NEO1: variants seen among roughly 807,000 people sequenced by gnomAD.
NEO1 encodes neogenin 1.
In NEO1, 63 loss-of-function variants were observed where a neutral mutation model predicts 159.7. That is an observed-to-expected ratio of 0.39 (90% CI 0.32 to 0.49). The LOEUF (loss-of-function observed/expected upper bound fraction) is 0.49. NEO1 is among the 20% of genes least tolerant of loss of function. NEO1 has a pLI of 0.85. For missense variants in NEO1, 1,615 were observed against 1,831.0 expected (o/e 0.88, Z 2.15); for synonymous variants, 633 against 662.0 (o/e 0.96, Z 0.67).
At chr15:73,236,749 A>G (rs995647195) in intron 8 of NEO1, among the ~76,000 whole-genome samples, 1 of 152,214 alleles carries the variant, frequency 6.6e-6, no homozygotes, top group African/African-American at 2.4e-5. Context: ...GACGTATTTA[A>G]ATGTAAGAAG....
At chr15:73,225,806 A>T (rs1253207613) in intron 7 of NEO1, among the ~76,000 whole-genome samples, 2 of 152,036 alleles carry the variant, frequency 1.3e-5, no homozygotes, top group African/African-American at 4.8e-5. Context: ...TCTGGCCAGG[A>T]GGGTTCTCCC....
At chr15:73,096,320 A>G (rs948494852) in intron 1 of NEO1, among the ~76,000 whole-genome samples, 3 of 152,224 alleles carry the variant, frequency 2.0e-5, no homozygotes, top group Non-Finnish European at 4.4e-5. Context: ...TGCAGACAAA[A>G]GCAGAACTTT....
intron 22 of NEO1, among the ~76,000 whole-genome samples, chr15:73,281,446 G>C (rs974689323): frequency 2.0e-5 from 3 of 151,994 alleles, no homozygotes; most frequent in South Asian, 2.1e-4. Context: ...TATTAGAGAC[G>C]AGGTTTCACC....
At chr15:73,070,395 A>T (rs1403440930) in intron 1 of NEO1, among the ~76,000 whole-genome samples, 1 of 152,116 alleles carries the variant, frequency 6.6e-6, no homozygotes, top group Non-Finnish European at 1.5e-5. Context: ...GAAACAAATG[A>T]AGTGTAATTT....
intron 7 of NEO1, chr15:73,221,641 C>T (rs1244825092): frequency 6.4e-6 from 1 of 156,160 alleles, no homozygotes; most frequent in Admixed American, 6.5e-5. Context: ...TGGCTGGCGC[C>T]CCTCCCCAAG....
chr15:73,181,359 A>G (rs776254617), intron 7 of NEO1, among the ~76,000 whole-genome samples: 2 of 152,204 alleles, frequency 1.3e-5, no homozygotes, highest in Non-Finnish European at 2.9e-5. Context: ...GAGATGATAA[A>G]TACTTACACT....
chr15:73,264,976 A>G (rs987348174), intron 15 of NEO1, among the ~76,000 whole-genome samples: 3 of 152,210 alleles, frequency 2.0e-5, no homozygotes, highest in Non-Finnish European at 4.4e-5. Context: ...CTGTGTAACT[A>G]GAGAGGCTAG....
chr15:73,230,223 C>T (rs946406130), intron 7 of NEO1, among the ~76,000 whole-genome samples: 3 of 152,128 alleles, frequency 2.0e-5, no homozygotes, highest in Non-Finnish European at 4.4e-5. Flanking sequence ...TTCAGTTTCT[C>T]TATTATAGGT....
chr15:73,283,107 A>G lies in NEO1; in HGVS notation c.3406A>G (p.Lys1136Glu). The part of the protein sequence containing the change: ...FCTRRTTSHQ[K>E]KKRAACKSVN... Reference sequence around the variant, plus strand: ...TACCCGTCGTACCACCTCTCACCAGAAAAAGTAAGAAGCCCCAGATGCACC... The same window carrying G: ...TACCCGTCGTACCACCTCTCACCAGGAAAAGTAAGAAGCCCCAGATGCACC... Residue 1136 changes from lysine to glutamate, a missense_variant, in exon 23 of 29, where the codon AAA becomes GAA. Transcript: ENST00000261908. The G allele has an allele frequency of 6.2e-7, 1 of 1,613,876 alleles. No individual in the cohort carries two copies. Among genetic ancestry groups the G allele is most frequent in the Non-Finnish European group, 8.5e-7 (1 of 1,179,950 alleles).
At chr15:73,133,110 G>C (rs2151729043) in intron 4 of NEO1, among the ~76,000 whole-genome samples, 1 of 152,174 alleles carries the variant, frequency 6.6e-6, no homozygotes, top group South Asian at 2.1e-4. Flanking sequence ...ATTTGCAATT[G>C]CAAAAATATG....
intron 8 of NEO1, among the ~76,000 whole-genome samples, chr15:73,238,971 C>T (rs1424203625): frequency 6.6e-6 from 1 of 152,054 alleles, no homozygotes; most frequent in Admixed American, 6.5e-5. Flanking sequence ...GCCTCAGCCT[C>T]CCAAGTAGCT....
intron 7 of NEO1, among the ~76,000 whole-genome samples, chr15:73,202,564 T>C (rs1247557214): frequency 6.6e-6 from 1 of 152,166 alleles, no homozygotes; most frequent in African/African-American, 2.4e-5. Flanking sequence ...TAGCTATCTT[T>C]GTTTTCTACC....
At chr15:73,141,584 A>G (rs1448954351) in intron 5 of NEO1, among the ~76,000 whole-genome samples, 1 of 152,260 alleles carries the variant, frequency 6.6e-6, no homozygotes, top group Non-Finnish European at 1.5e-5. Flanking sequence ...GAACAAATGG[A>G]TAAATTCTAA....
chr15:73,130,963 A>G (rs1036605511), intron 4 of NEO1, among the ~76,000 whole-genome samples: 4 of 152,178 alleles, frequency 2.6e-5, no homozygotes, highest in Admixed American at 2.6e-4. Flanking sequence ...CAACCCTGCT[A>G]AGAAGCAATG....
In NEO1 at chr15:73,260,448, A is replaced by G; in HGVS notation, c.2381A>G (p.Tyr794Cys). The G allele has an allele frequency of 2.5e-6, 4 of 1,596,516 alleles. No individual in the cohort carries two copies. Among genetic ancestry groups the G allele is most frequent in the Non-Finnish European group, 3.4e-6 (4 of 1,166,754 alleles). Reference sequence around the variant, plus strand: ...AAAGTGGACTATAAACAGCGCTATTACACCATTGAAAATCTGGGTATGTTT... The same window carrying G: ...AAAGTGGACTATAAACAGCGCTATTGCACCATTGAAAATCTGGGTATGTTT... ...TIKVDYKQRY[Y>C]TIENLDPSSH... The change falls in exon 15 of 29, where the codon TAC becomes TGC. Residue 794 changes from tyrosine to cysteine, a missense_variant. Physicochemically the swap from Tyr to Cys is radical, Grantham distance 194 (BLOSUM62 -2). Around this residue, in one of 3 missense-constraint regions of NEO1, gnomAD observed 1,018 missense variants for 1,115.4 expected, o/e 0.91. Coordinates refer to ENST00000261908, the MANE Select transcript of NEO1 (RefSeq NM_002499.4).
chr15:73,238,271 G>GTTTTTTT (rs55887721), intron 8 of NEO1, among the ~76,000 whole-genome samples: 2 of 38,850 alleles, frequency 5.1e-5, no homozygotes, highest in African/African-American at 2.5e-4. Flanking sequence ...TTTAGTTTGG[G>GTTTTTTT]TTTTTTTTTT....
At chr15:73,115,665 A>G (rs1299017051) in intron 1 of NEO1, among the ~76,000 whole-genome samples, 1 of 152,180 alleles carries the variant, frequency 6.6e-6, no homozygotes. Context: ...AGTTGTTTAC[A>G]AGGGAATTGG....
intron 26 of NEO1, 47 bp from the exon 27 acceptor site, chr15:73,298,301 T>A: frequency 6.2e-7 from 1 of 1,607,764 alleles, no homozygotes; most frequent in Non-Finnish European, 8.5e-7. Flanking sequence ...GACTGTCACA[T>A]ATTTAATGGC....
At chr15:73,228,559 G>T (rs1397364193) in intron 7 of NEO1, among the ~76,000 whole-genome samples, 1 of 149,894 alleles carries the variant, frequency 6.7e-6, no homozygotes, top group African/African-American at 2.5e-5. Context: ...TTTTGTTGTT[G>T]TTGTTGTTTT....
Sources: gnomAD v4.1 joint callset for allele counts (sites outside exome capture counted in the v4.1 genomes callset) on GRCh38, gnomAD v4.1.1 for gene constraint, gnomAD v4.1.1 regional missense constraint, MANE v1.5 for transcripts, NCBI Gene and HGNC (gene_info 2026-07-23, HGNC 2026-07-21) for gene names.